The following MYLIP variants were observed in gnomAD, a reference collection of about 807,000 sequenced individuals.
MYLIP encodes myosin regulatory light chain interacting protein.
MYLIP carries 26 observed loss-of-function variants against 45.8 expected under a neutral mutation model. The observed-to-expected ratio is 0.57, with a 90% CI of 0.42 to 0.79. The LOEUF is 0.79. Among genes scored for constraint, MYLIP ranks in the 30% least tolerant of loss-of-function variants. MYLIP has a pLI of 0.00. For missense variants in MYLIP, 494 were observed against 555.6 expected (o/e 0.89, Z 1.11); for synonymous variants, 213 against 218.1 (o/e 0.98, Z 0.21).
chr6:16,129,506 C>T lies in MYLIP; in HGVS notation c.87+97C>T. On this transcript the variant is annotated intron_variant, in intron 1 of 6. Coordinates refer to ENST00000356840, the MANE Select transcript of MYLIP (RefSeq NM_013262.4). The surrounding 1 kb of genome is among the most constrained non-coding windows in gnomAD (Gnocchi z 5.1). ...ACTCTGGCGCGCCCCCTACTAGGGGCCGGGAGGCACTGCGGCGGCAGCCGG... is the reference window on the plus strand; with the variant it reads ...ACTCTGGCGCGCCCCCTACTAGGGGTCGGGAGGCACTGCGGCGGCAGCCGG... 8.2e-7 allele frequency: 1 copy of T among 1,224,130 alleles called. No homozygotes were observed. The highest frequency in any genetic ancestry group is 1.1e-6 in the Non-Finnish European group (1 of 884,276). The allele number at this position is 1,224,130 out of a possible 1,614,324, so 75.8% of individuals were successfully genotyped here.
rs768417078 is a variant in MYLIP at position 16,146,702 on chromosome 6, A to C, written c.1289A>C (p.His430Pro). 2.5e-6 allele frequency: 4 copies of C among 1,612,104 alleles called. No homozygotes were observed. The Admixed American group carries it at 5.0e-5, about 20-fold the overall frequency. ...AGGTCGCGTGTGGAGCATGTCCAGCACGTCTATCTGCCAACGCACACCAGT... is the reference window on the plus strand; with the variant it reads ...AGGTCGCGTGTGGAGCATGTCCAGCCCGTCTATCTGCCAACGCACACCAGT... ...VCRSRVEHVQ[H>P]VYLPTHTSLL... The change falls in exon 7 of 7, where the codon CAC becomes CCC. Residue 430 changes from histidine (H) to proline (P), a missense_variant. Coordinates refer to ENST00000356840, the MANE Select transcript of MYLIP (RefSeq NM_013262.4).
At chr6:16,139,032 G>C (rs145159643) in intron 2 of MYLIP, among the ~76,000 whole-genome samples, 1 of 152,304 alleles carries the variant, frequency 6.6e-6, no homozygotes, top group African/African-American at 2.4e-5. Flanking sequence ...TGTAGGCATG[G>C]ATAGGTTGCA....
At chr6:16,141,464 C>T in intron 2 of MYLIP, 161 bp from the exon 3 acceptor site, 1 of 623,392 alleles carries the variant, frequency 1.6e-6, no homozygotes, top group Non-Finnish European at 2.7e-6. Context: ...TTGATTTTGC[C>T]TTAATACTGA....
At chr6:16,144,754 C>T (rs367915201) in intron 5 of MYLIP, 143 bp from the exon 6 acceptor site, 88 of 868,664 alleles carry the variant, frequency 1.0e-4, no homozygotes, top group African/African-American at 7.1e-4. Flanking sequence ...ATTTACCAGA[C>T]GTAAAACTGG....
chr6:16,137,886 TA>T (rs11354447), intron 2 of MYLIP, among the ~76,000 whole-genome samples: 57,548 of 150,696 alleles, frequency 0.38, 11,709 homozygotes, highest in African/African-American at 0.53. Flanking sequence ...TTCACTCCAT[TA>T]AAAAAAAAAT....
downstream of MYLIP, among the ~76,000 whole-genome samples, chr6:16,153,089 T>C (rs571949109): frequency 1.3e-5 from 2 of 152,328 alleles, no homozygotes; most frequent in South Asian, 4.1e-4. Context: ...TTCTGTTCAC[T>C]GCACTCTTTT....
chr6:16,154,224 G>A, the MYLIP span, among the ~76,000 whole-genome samples: 14 of 152,040 alleles, frequency 9.2e-5, no homozygotes, highest in Non-Finnish European at 1.3e-4. Context: ...AGACCTCAGC[G>A]TCTCGAATAG....
chr6:16,148,462 GA>G (rs1022377465), downstream of MYLIP, among the ~76,000 whole-genome samples: 1 of 133,922 alleles, frequency 7.5e-6, no homozygotes, highest in African/African-American at 2.8e-5. Flanking sequence ...TTTTTTTCAA[GA>G]AAACTTGAAA....
downstream of MYLIP, among the ~76,000 whole-genome samples, chr6:16,153,070 G>T (rs1051953639): frequency 6.6e-6 from 1 of 152,160 alleles, no homozygotes; most frequent in African/African-American, 2.4e-5. Context: ...GAAGTGCTGG[G>T]TTCCTCAGTT....
chr6:16,153,963 T>A, the MYLIP span, among the ~76,000 whole-genome samples: 1 of 152,062 alleles, frequency 6.6e-6, no homozygotes, highest in Non-Finnish European at 1.5e-5. Flanking sequence ...TAAAGCAGCT[T>A]ATAAATCCCT....
Position 16,146,881 on chromosome 6 carries a change from AGGAAG to A in MYLIP, c.*131_*135del. On this transcript the variant is annotated 3_prime_UTR_variant, in exon 7 of 7. Coordinates refer to ENST00000356840, the MANE Select transcript of MYLIP (RefSeq NM_013262.4). Reference sequence around the variant, plus strand: ...CCATGCGATGTTAAAAAAAAAAAAAAGGAAGAAAAATAACACAGCTACTCCTCACT... The same window carrying A: ...CCATGCGATGTTAAAAAAAAAAAAAAAAAAATAACACAGCTACTCCTCACT... The A allele has an allele frequency of 2.2e-5, 17 of 767,748 alleles. No individual in the cohort carries two copies. The highest frequency in any genetic ancestry group is 3.4e-5 in the Non-Finnish European group (17 of 492,780). 47.6% of individuals were successfully genotyped at this position (767,748 alleles called of 1,614,324 possible).
the MYLIP span, among the ~76,000 whole-genome samples, chr6:16,162,785 T>TAAAAAAAAAAAA: frequency 2.1e-3 from 146 of 69,532 alleles, 8 homozygotes; most frequent in African/African-American, 5.2e-3. Flanking sequence ...ACCTCAACTC[T>TAAAAAAAAAAAA]AAAAAAAAAA....
chr6:16,157,897 A>C, the MYLIP span, among the ~76,000 whole-genome samples: 4 of 152,266 alleles, frequency 2.6e-5, no homozygotes, highest in African/African-American at 9.6e-5. Flanking sequence ...GCTGTTGGGC[A>C]AAATTTTTCA....
At chr6:16,148,985 C>T (rs1437464436), downstream of MYLIP, among the ~76,000 whole-genome samples, 1 of 152,174 alleles carries the variant, frequency 6.6e-6, no homozygotes, top group African/African-American at 2.4e-5. Context: ...CTAAGTCAAT[C>T]TTCCATCAAT....
the MYLIP span, among the ~76,000 whole-genome samples, chr6:16,162,797 A>C: frequency 6.6e-6 from 1 of 150,770 alleles, no homozygotes. Context: ...AAAAAAAAAA[A>C]AAAAAAAAGA....
chr6:16,156,069 G>A, the MYLIP span, among the ~76,000 whole-genome samples: 55 of 152,300 alleles, frequency 3.6e-4, no homozygotes, highest in African/African-American at 1.1e-3. Context: ...CTTTCAAGCC[G>A]TCCCTCTGAA....
At chr6:16,162,614 A>G in the MYLIP span, among the ~76,000 whole-genome samples, 7 of 152,118 alleles carry the variant, frequency 4.6e-5, no homozygotes, top group African/African-American at 1.7e-4. Context: ...CATATATATG[A>G]TATATCCAGA....
chr6:16,132,783 G>C (rs966190027), intron 2 of MYLIP, among the ~76,000 whole-genome samples: 7 of 152,152 alleles, frequency 4.6e-5, no homozygotes, highest in Non-Finnish European at 7.3e-5. Flanking sequence ...AAGCTGGTTC[G>C]TAAACTTCTT....
the MYLIP span, among the ~76,000 whole-genome samples, chr6:16,160,522 C>T: frequency 6.6e-6 from 1 of 152,048 alleles, no homozygotes. Context: ...AAGGTCTGGG[C>T]CGGGTGCGAT....
Sources: gnomAD v4.1 joint callset for allele counts (sites outside exome capture counted in the v4.1 genomes callset) on GRCh38, gnomAD v4.1.1 for gene constraint, Gnocchi (gnomAD v3.1) non-coding constraint, MANE v1.5 for transcripts, NCBI Gene and HGNC (gene_info 2026-07-23, HGNC 2026-07-21) for gene names.